ZNF385D: variants seen among roughly 807,000 people sequenced by gnomAD.
The protein encoded by ZNF385D is zinc finger protein 659.
In ZNF385D, 15 loss-of-function variants were observed where a neutral mutation model predicts 35.8. The observed-to-expected ratio is 0.42, with a 90% CI of 0.28 to 0.64. The LOEUF (loss-of-function observed/expected upper bound fraction) is 0.64. ZNF385D is among the 30% of genes least tolerant of loss of function. The pLI is 0.23. For missense variants in ZNF385D, 474 were observed against 494.6 expected (o/e 0.96, Z 0.39); for synonymous variants, 212 against 186.8 (o/e 1.13, Z -1.10).
At chr3:21,740,919 G>T (rs6784231) in intron 1 of ZNF385D, among the ~76,000 whole-genome samples, 91,628 of 152,026 alleles carry the variant, frequency 0.6, 28,632 homozygotes, top group African/African-American at 0.77. Flanking sequence ...TACTGGACCG[G>T]GATAGCGCTT....
intron 2 of ZNF385D, among the ~76,000 whole-genome samples, chr3:22,243,678 C>A (rs1423393776): frequency 6.6e-6 from 1 of 150,914 alleles, no homozygotes; most frequent in Non-Finnish European, 1.5e-5. Context: ...CAAGAACAGC[C>A]AAGCTCTGTG....
chr3:21,718,059 T>G (rs73046246), intron 1 of ZNF385D, among the ~76,000 whole-genome samples: 5,680 of 152,254 alleles, frequency 0.037, 183 homozygotes, highest in South Asian at 0.13. Flanking sequence ...AGCCCCCAGG[T>G]GATTCTGTTG....
intron 3 of ZNF385D, among the ~76,000 whole-genome samples, chr3:21,936,639 A>G (rs1354832793): frequency 6.6e-6 from 1 of 152,110 alleles, no homozygotes; most frequent in Non-Finnish European, 1.5e-5. Context: ...AAGTGAAGAC[A>G]TAAACTTCAT....
chr3:21,978,437 G>C (rs865943538), intron 3 of ZNF385D: 2 of 152,174 alleles, frequency 1.3e-5, no homozygotes, highest in African/African-American at 4.8e-5. Context: ...CTTTAAAGGG[G>C]GAGAAACATA....
intron 3 of ZNF385D, among the ~76,000 whole-genome samples, chr3:21,776,944 A>T (rs17009548): frequency 1.3e-5 from 2 of 151,940 alleles, no homozygotes; most frequent in Non-Finnish European, 2.9e-5. Context: ...ATAGCTGCTG[A>T]ACGGTGCTAA....
intron 2 of ZNF385D, among the ~76,000 whole-genome samples, chr3:21,589,430 C>A (rs2063905800): frequency 6.6e-6 from 1 of 152,130 alleles, no homozygotes; most frequent in Admixed American, 6.5e-5. Context: ...ACAAAAATTT[C>A]TAGTAGATCA....
chr3:22,181,989 C>T (rs936816326), intron 2 of ZNF385D, among the ~76,000 whole-genome samples: 2 of 152,106 alleles, frequency 1.3e-5, no homozygotes, highest in African/African-American at 4.8e-5. Context: ...ATGCCGCAAA[C>T]AAACATATGA....
At position 22,130,481 on chromosome 3, in the gene ZNF385D, G is replaced by T. The variant is rs1392653521; in HGVS notation, c.325+38336C>A. On this transcript the variant is annotated intron_variant, in intron 3 of 5. Coordinates refer to the ZNF385D transcript ENST00000494108. The stretch of plus-strand genomic sequence containing the variant: ...AGCTAGAACTCCAGTTCTGATAACT[G>T]GGACGGATGATTTCCCCTTGGGTAG... Among the ~76,000 whole-genome samples the T allele has an allele frequency of 7.9e-5, 12 of 152,254 alleles. No individual in the cohort carries two copies. The East Asian group carries it at 2.3e-3, about 29-fold the overall frequency.
chr3:22,071,427 G>A (rs935644623), intron 3 of ZNF385D, among the ~76,000 whole-genome samples: 1 of 152,088 alleles, frequency 6.6e-6, no homozygotes, highest in African/African-American at 2.4e-5. Context: ...TCATACTAGA[G>A]GTCACTAGGT....
At chr3:21,789,812 C>A (rs2071851446) in intron 3 of ZNF385D, among the ~76,000 whole-genome samples, 1 of 152,096 alleles carries the variant, frequency 6.6e-6, no homozygotes, top group Non-Finnish European at 1.5e-5. Flanking sequence ...ATACCGTAAC[C>A]AATTTGGGGC....
At chr3:22,302,178 C>T (rs1417011274) in intron 2 of ZNF385D, among the ~76,000 whole-genome samples, 1 of 151,986 alleles carries the variant, frequency 6.6e-6, no homozygotes, top group Non-Finnish European at 1.5e-5. Context: ...ATCTTAGTAT[C>T]CTCTCTTGAC....
intron 3 of ZNF385D, among the ~76,000 whole-genome samples, chr3:21,972,343 A>C (rs1452533705): frequency 6.6e-6 from 1 of 152,064 alleles, no homozygotes; most frequent in East Asian, 1.9e-4. Context: ...CCAGTGGGTC[A>C]ATGAAGAAAT....
rs561009911 is a variant in ZNF385D, at chr3:21,627,450, A to G, written c.165+37436T>C. On this transcript the variant is annotated intron_variant, in intron 2 of 7. Transcript: ENST00000281523. ...TATTATGTCATTTTTTAAATAAGAG[A>G]AGCTGAACGTTCATAAGGCGAAAAA... Among the ~76,000 whole-genome samples, 4 of 152,124 alleles carry G rather than the reference A, an allele frequency of 2.6e-5. No homozygotes were observed. The East Asian group carries it at 7.7e-4, about 29-fold the overall frequency.
rs556901208 is a variant in ZNF385D at position 22,048,905 on chromosome 3, CTTG to C, written c.325+119909_325+119911del. ...GGAATATCTTTTCATTTGTCTGTAT[CTTG>C]TTGTATTTCTTTCATTCATGTTTTA... is the stretch of plus-strand genomic sequence containing the variant. On this transcript the variant is annotated intron_variant, in intron 3 of 5. Coordinates refer to the ZNF385D transcript ENST00000494108. 4.8e-3 allele frequency among the ~76,000 whole-genome samples: 732 copies of C among 152,192 alleles called. 4 individuals are homozygous for C. Among genetic ancestry groups the C allele is most frequent in the Non-Finnish European group, 8.5e-3 (580 of 67,998 alleles).
At chr3:22,199,298 G>A (rs1240221220) in intron 2 of ZNF385D, among the ~76,000 whole-genome samples, 1 of 152,084 alleles carries the variant, frequency 6.6e-6, no homozygotes, top group Non-Finnish European at 1.5e-5. Context: ...GAAACATGTG[G>A]AAGGAAATGC....
intron 2 of ZNF385D, among the ~76,000 whole-genome samples, chr3:22,296,336 A>G (rs1559504674): frequency 6.6e-6 from 1 of 152,154 alleles, no homozygotes; most frequent in Non-Finnish European, 1.5e-5. Context: ...GCTGGCATAA[A>G]TGAACTAGTG....
intron 3 of ZNF385D, among the ~76,000 whole-genome samples, chr3:21,919,121 A>G (rs1273968659): frequency 6.6e-6 from 1 of 152,200 alleles, no homozygotes; most frequent in Non-Finnish European, 1.5e-5. Flanking sequence ...TAGTGTTATT[A>G]TAAATATTGC....
intron 2 of ZNF385D, among the ~76,000 whole-genome samples, chr3:21,605,414 G>A (rs750214153): frequency 1.3e-4 from 20 of 152,166 alleles, no homozygotes; most frequent in Non-Finnish European, 1.9e-4. Context: ...GAATCATACC[G>A]TGCCTATCGT....
chr3:22,289,465 G>T (rs769060685), intron 2 of ZNF385D, among the ~76,000 whole-genome samples: 1 of 152,126 alleles, frequency 6.6e-6, no homozygotes, highest in Non-Finnish European at 1.5e-5. Context: ...TCTTCCAAAG[G>T]TTTATTGTTT....
Sources: gnomAD v4.1 joint callset for allele counts (sites outside exome capture counted in the v4.1 genomes callset) on GRCh38, gnomAD v4.1.1 for gene constraint, MANE v1.5 for transcripts, NCBI Gene and HGNC (gene_info 2026-07-23, HGNC 2026-07-21) for gene names.